Variants in KCNQ1OT1 observed in about 807,000 individuals in gnomAD.
KCNQ1OT1 encodes KCNQ1 antisense RNA 2 (non-protein coding).
rs1035571041 is a variant in KCNQ1OT1, at chr11:2,679,522, A to G, written n.20473T>C. ...CACAGTGTTACTTAAATGTATTGCTATACCTCATGATGGCCATTCCATCCA... is the reference window on the plus strand; with the variant it reads ...CACAGTGTTACTTAAATGTATTGCTGTACCTCATGATGGCCATTCCATCCA... On this transcript the variant is annotated non_coding_transcript_exon_variant, in exon 1 of 1. Transcript: ENST00000597346. This position sits in a 1 kb window ranked among gnomAD's most constrained non-coding sequence, Gnocchi z 4.8. The G allele has an allele frequency of 2.3e-5, 9 of 398,508 alleles. No homozygotes were observed. The highest frequency in any genetic ancestry group is 4.4e-5 in the Admixed American group (1 of 22,714). 24.7% of individuals were successfully genotyped at this position (398,508 alleles called of 1,614,324 possible). A position where few individuals can be genotyped will look rare whatever the true frequency, so the allele number is the denominator to read the frequency against.
In KCNQ1OT1 at chr11:2,682,053, C is replaced by A; in HGVS notation, n.17942G>T. 2.5e-6 allele frequency: 1 copy of A among 398,600 alleles called. No individual in the cohort carries two copies. The highest frequency in any genetic ancestry group is 4.4e-6 in the Non-Finnish European group (1 of 226,062). The allele number at this position is 398,600 out of a possible 1,614,324, so 24.7% of individuals were successfully genotyped here. A position where few individuals can be genotyped will look rare whatever the true frequency, so the allele number is the denominator to read the frequency against. ...TTATCACTCCTGTTTTATAGATAAT[C>A]TCCTAAGGGTTGAGGGATTGAGTCT... On this transcript the variant is annotated non_coding_transcript_exon_variant, in exon 1 of 1. Transcript: ENST00000597346. This position sits in a 1 kb window ranked among gnomAD's most constrained non-coding sequence, Gnocchi z 5.8.
At chr11:2,689,942 G>T (rs558997708) in exon 1 of KCNQ1OT1, 40 of 398,794 alleles carry the variant, frequency 1.0e-4, no homozygotes, top group African/African-American at 7.6e-4. Context: ...CTCACCCAAC[G>T]ATGACAGTGA....
chr11:2,669,301 T>C lies in KCNQ1OT1; in HGVS notation n.30694A>G, dbSNP rs4930005. On this transcript the variant is annotated non_coding_transcript_exon_variant, in exon 1 of 1. Coordinates refer to ENST00000597346, the Ensembl canonical transcript of KCNQ1OT1. The surrounding 1 kb of genome is among the most constrained non-coding windows in gnomAD (Gnocchi z 5.6). Reference sequence around the variant, plus strand: ...GCAGGGTTTCTCCTCACCATACATATGCCAGTTGCCATGGAAAGCCTCCTC... The same window carrying C: ...GCAGGGTTTCTCCTCACCATACATACGCCAGTTGCCATGGAAAGCCTCCTC... 0.25 allele frequency: 99,607 copies of C among 398,432 alleles called. 13,487 individuals are homozygous for C. Among genetic ancestry groups the C allele is most frequent in the African/African-American group, 0.35 (16,951 of 48,642 alleles). The allele number at this position is 398,432 out of a possible 1,614,324, so 24.7% of individuals were successfully genotyped here. A position where few individuals can be genotyped will look rare whatever the true frequency, so the allele number is the denominator to read the frequency against.
At chr11:2,699,492 AGTG>A (rs1850738266) in exon 1 of KCNQ1OT1, 1 of 177,338 alleles carries the variant, frequency 5.6e-6, no homozygotes, top group African/African-American at 4.6e-5. Flanking sequence ...CCCCGGGGAG[AGTG>A]CCGCGCTGAG....
At chr11:2,656,765 CT>C in exon 1 of KCNQ1OT1, 1 of 398,464 alleles carries the variant, frequency 2.5e-6, no homozygotes. Flanking sequence ...GTTATTGCTT[CT>C]TTTAAAAAAA....
In KCNQ1OT1 at chr11:2,620,957, T is replaced by TTTG. The variant is rs397956034; in HGVS notation, n.79037_79038insCAA. 14 of 396,850 alleles carry TTTG rather than the reference T, an allele frequency of 3.5e-5. No individual in the cohort carries two copies. Among genetic ancestry groups the TTTG allele is most frequent in the Middle Eastern group, 6.2e-4 (1 of 1,610 alleles). 24.6% of individuals were successfully genotyped at this position (396,850 alleles called of 1,614,324 possible). A position where few individuals can be genotyped will look rare whatever the true frequency, so the allele number is the denominator to read the frequency against. Reference sequence around the variant, plus strand: ...GTTGTTGTTTTGTTTTGTTTTTTTTTGTCTGTTTTTTGCTTTTTTGTTTGT... The same window carrying TTTG: ...GTTGTTGTTTTGTTTTGTTTTTTTTTTTGGTCTGTTTTTTGCTTTTTTGTTTGT... On this transcript the variant is annotated non_coding_transcript_exon_variant, in exon 1 of 1. Transcript: ENST00000597346. The surrounding 1 kb of genome is among the most constrained non-coding windows in gnomAD (Gnocchi z 4.5).
Position 2,698,375 on chromosome 11 carries a change from C to G in KCNQ1OT1, n.1620G>C, listed in dbSNP as rs11023834. On this transcript the variant is annotated non_coding_transcript_exon_variant, in exon 1 of 1. Coordinates refer to ENST00000597346, the Ensembl canonical transcript of KCNQ1OT1. This position sits in a 1 kb window ranked among gnomAD's most constrained non-coding sequence, Gnocchi z 5.1. Reference sequence around the variant, plus strand: ...TATATAAAAGGCTATTTGACCTGCTCAGGGACCACAGTGGGGTACTGGGAT... The same window carrying G: ...TATATAAAAGGCTATTTGACCTGCTGAGGGACCACAGTGGGGTACTGGGAT... 0.053 allele frequency: 21,106 copies of G among 398,530 alleles called. 808 individuals carry two copies. Among genetic ancestry groups the G allele is most frequent in the Middle Eastern group, 0.15 (238 of 1,586 alleles). The allele number at this position is 398,530 out of a possible 1,614,324, so 24.7% of individuals were successfully genotyped here.
Position 2,657,496 on chromosome 11 carries a change from T to G in KCNQ1OT1, n.42499A>C. The G allele has an allele frequency of 2.5e-6, 1 of 398,614 alleles. No individual in the cohort carries two copies. Among genetic ancestry groups the G allele is most frequent in the East Asian group, 3.6e-5 (1 of 28,056 alleles). The allele number at this position is 398,614 out of a possible 1,614,324, so 24.7% of individuals were successfully genotyped here. On this transcript the variant is annotated non_coding_transcript_exon_variant, in exon 1 of 1. Coordinates refer to ENST00000597346, the Ensembl canonical transcript of KCNQ1OT1. The surrounding 1 kb of genome is among the most constrained non-coding windows in gnomAD (Gnocchi z 4.8). Reference sequence around the variant, plus strand: ...GTTTTCTCTTGTTACCTCACATTTTTTATTTACAGAAGAGAAACAAAAATA... The same window carrying G: ...GTTTTCTCTTGTTACCTCACATTTTGTATTTACAGAAGAGAAACAAAAATA...
At position 2,673,318 on chromosome 11, in the gene KCNQ1OT1, C is replaced by T. The variant is rs1377472048; in HGVS notation, n.26677G>A. The T allele has an allele frequency of 2.5e-6, 1 of 398,634 alleles. No individual in the cohort carries two copies. The highest frequency in any genetic ancestry group is 4.4e-6 in the Non-Finnish European group (1 of 226,166). 24.7% of individuals were successfully genotyped at this position (398,634 alleles called of 1,614,324 possible). A position where few individuals can be genotyped will look rare whatever the true frequency, so the allele number is the denominator to read the frequency against. On this transcript the variant is annotated non_coding_transcript_exon_variant, in exon 1 of 1. Coordinates refer to ENST00000597346, the Ensembl canonical transcript of KCNQ1OT1. This position sits in a 1 kb window ranked among gnomAD's most constrained non-coding sequence, Gnocchi z 4.5. ...TTGAGAGAAACAATCCCACAGGCTACCAGGCCAGCTTTTGGAAACAGTCTC... is the reference window on the plus strand; with the variant it reads ...TTGAGAGAAACAATCCCACAGGCTATCAGGCCAGCTTTTGGAAACAGTCTC...
In KCNQ1OT1 at chr11:2,654,889, A is replaced by G; in HGVS notation, n.45106T>C. 1 of 398,624 alleles carries G rather than the reference A, an allele frequency of 2.5e-6. No individual in the cohort carries two copies. Among genetic ancestry groups the G allele is most frequent in the Non-Finnish European group, 4.4e-6 (1 of 226,092 alleles). The allele number at this position is 398,624 out of a possible 1,614,324, so 24.7% of individuals were successfully genotyped here. A position where few individuals can be genotyped will look rare whatever the true frequency, so the allele number is the denominator to read the frequency against. On this transcript the variant is annotated non_coding_transcript_exon_variant, in exon 1 of 1. Transcript: ENST00000597346. This position sits in a 1 kb window ranked among gnomAD's most constrained non-coding sequence, Gnocchi z 6.4. Reference sequence around the variant, plus strand: ...AGGGACATATTCTGGCAACTCTAGGATAAGATGTGCAAGGTCGTGGGCCAG... The same window carrying G: ...AGGGACATATTCTGGCAACTCTAGGGTAAGATGTGCAAGGTCGTGGGCCAG...
In KCNQ1OT1 at chr11:2,613,353, T is replaced by C. The variant is rs1849011378; in HGVS notation, n.86642A>G. 2.5e-6 allele frequency: 1 copy of C among 398,634 alleles called. No homozygotes were observed. Among genetic ancestry groups the C allele is most frequent in the Non-Finnish European group, 4.4e-6 (1 of 226,062 alleles). 24.7% of individuals were successfully genotyped at this position (398,634 alleles called of 1,614,324 possible). On this transcript the variant is annotated non_coding_transcript_exon_variant, in exon 1 of 1. Transcript: ENST00000597346. The surrounding 1 kb of genome is among the most constrained non-coding windows in gnomAD (Gnocchi z 4.8). ...TAATCTGTCGCTTGCCCAACCAGTA[T>C]TGAAACATTAGGTTGCTGTGATGTG... is the stretch of plus-strand genomic sequence containing the variant.
chr11:2,648,828 G>C (rs1468840722), exon 1 of KCNQ1OT1: 1 of 398,184 alleles, frequency 2.5e-6, no homozygotes, highest in African/African-American at 2.1e-5. Flanking sequence ...AACTATTATT[G>C]TATTGGGGTC....
exon 1 of KCNQ1OT1, chr11:2,630,261 C>A (rs1849331591): frequency 5.0e-6 from 2 of 397,912 alleles, no homozygotes; most frequent in Non-Finnish European, 8.9e-6. Context: ...AAGGATAAAT[C>A]CCATGTTTGT....
chr11:2,629,185 T>C (rs921541538), exon 1 of KCNQ1OT1: 1 of 398,238 alleles, frequency 2.5e-6, no homozygotes, highest in Non-Finnish European at 4.4e-6. Context: ...CTTTGAGTAG[T>C]ATAGCTATTT....
Position 2,677,424 on chromosome 11 carries a change from AG to A in KCNQ1OT1, n.22570del, listed in dbSNP as rs1850313305. ...CTAGATAAGCATTTCAGAGGACAGC[AG>A]GGGAGATGATAATTGATGCAGGTGG... is the stretch of plus-strand genomic sequence containing the variant. On this transcript the variant is annotated non_coding_transcript_exon_variant, in exon 1 of 1. Transcript: ENST00000597346. The surrounding 1 kb of genome is among the most constrained non-coding windows in gnomAD (Gnocchi z 4.5). 2.5e-6 allele frequency: 1 copy of A among 398,498 alleles called. No homozygotes were observed. Among genetic ancestry groups the A allele is most frequent in the Admixed American group, 4.4e-5 (1 of 22,720 alleles). 24.7% of individuals were successfully genotyped at this position (398,498 alleles called of 1,614,324 possible).
exon 1 of KCNQ1OT1, chr11:2,696,969 AT>A (rs545020900): frequency 1.7e-4 from 68 of 394,368 alleles, no homozygotes; most frequent in Middle Eastern, 6.4e-4. Flanking sequence ...AAGTTCCTTA[AT>A]TTTTTTTTTC....
chr11:2,620,949 T>TTTTG lies in KCNQ1OT1; in HGVS notation n.79045_79046insCAAA, dbSNP rs1255321599. ...TTTTTGTTGTTGTTGTTTTGTTTTG[T>TTTTG]TTTTTTTTGTCTGTTTTTTGCTTTT... On this transcript the variant is annotated non_coding_transcript_exon_variant, in exon 1 of 1. Coordinates refer to ENST00000597346, the Ensembl canonical transcript of KCNQ1OT1. This position sits in a 1 kb window ranked among gnomAD's most constrained non-coding sequence, Gnocchi z 4.5. 2.8e-5 allele frequency: 7 copies of TTTTG among 252,972 alleles called. No homozygotes were observed. In the African/African-American group the frequency reaches 3.3e-4, roughly 12 times the overall value. The allele number at this position is 252,972 out of a possible 1,614,324, so 15.7% of individuals were successfully genotyped here. A position where few individuals can be genotyped will look rare whatever the true frequency, so the allele number is the denominator to read the frequency against.
At chr11:2,681,344 T>G in exon 1 of KCNQ1OT1, 1 of 398,522 alleles carries the variant, frequency 2.5e-6, no homozygotes, top group Non-Finnish European at 4.4e-6. Context: ...CGTCTTTTCC[T>G]TGTAGCTCCC....
rs758468441 is a variant in KCNQ1OT1 at position 2,679,189 on chromosome 11, C to G, written n.20806G>C. The G allele has an allele frequency of 2.3e-4, 90 of 398,514 alleles. No individual in the cohort carries two copies. Among genetic ancestry groups the G allele is most frequent in the Non-Finnish European group, 3.1e-4 (69 of 226,106 alleles). 24.7% of individuals were successfully genotyped at this position (398,514 alleles called of 1,614,324 possible). A position where few individuals can be genotyped will look rare whatever the true frequency, so the allele number is the denominator to read the frequency against. Reference sequence around the variant, plus strand: ...AGTTTCCATGTCTGAGTTAGGCCACCTGTAACAATGCAGCCCCATCCATGT... The same window carrying G: ...AGTTTCCATGTCTGAGTTAGGCCACGTGTAACAATGCAGCCCCATCCATGT... On this transcript the variant is annotated non_coding_transcript_exon_variant, in exon 1 of 1. Coordinates refer to ENST00000597346, the Ensembl canonical transcript of KCNQ1OT1. This position sits in a 1 kb window ranked among gnomAD's most constrained non-coding sequence, Gnocchi z 4.8.
Sources: gnomAD v4.1 joint callset for allele counts on GRCh38, gnomAD v4.1.1 for gene constraint, Gnocchi (gnomAD v3.1) non-coding constraint, MANE v1.5 for transcripts, NCBI Gene and HGNC (gene_info 2026-07-23, HGNC 2026-07-21) for gene names.